CADPS2: variants seen among roughly 807,000 people sequenced by gnomAD.
CADPS2 encodes calcium dependent secretion activator 2.
Under a neutral mutation model 172.5 loss-of-function variants are expected in CADPS2, and 93 were observed. The ratio of observed to expected loss-of-function variants is 0.54; its 90% CI spans 0.46 to 0.64. The LOEUF is 0.64. CADPS2 is among the 30% of genes least tolerant of loss of function. The probability of loss-of-function intolerance (pLI) is 0.00; values close to 1 mark genes in which losing one functional copy is unlikely to be tolerated. For synonymous variants in CADPS2, 546 were observed against 555.2 expected (o/e 0.98, Z 0.23); for missense variants, 1,420 against 1,565.9 (o/e 0.91, Z 1.57).
chr7:122,511,058 C>T (rs2059968933), intron 9 of CADPS2, among the ~76,000 whole-genome samples: 3 of 152,202 alleles, frequency 2.0e-5, no homozygotes, highest in African/African-American at 2.4e-5. Context: ...TAAAAAGAAA[C>T]CTCAGGTAGA....
At chr7:122,726,608 C>T (rs187898969) in intron 2 of CADPS2, among the ~76,000 whole-genome samples, 194 of 151,846 alleles carry the variant, frequency 1.3e-3, no homozygotes, top group Admixed American at 3.2e-3. Context: ...GATTAGCAAA[C>T]GACATGCACG....
chr7:122,770,408 G>T (rs988322038), intron 1 of CADPS2, among the ~76,000 whole-genome samples: 3 of 151,944 alleles, frequency 2.0e-5, no homozygotes, highest in African/African-American at 7.3e-5. Flanking sequence ...TCACTTTAAA[G>T]AATACAGTGA....
chr7:122,849,636 T>A (rs994414274), intron 1 of CADPS2: 1 of 295,140 alleles, frequency 3.4e-6, no homozygotes, highest in Non-Finnish European at 6.5e-6. Context: ...ATTTATATGT[T>A]TACTACTGTA....
intron 25 of CADPS2, among the ~76,000 whole-genome samples, chr7:122,371,819 C>T (rs377480602): frequency 7.2e-5 from 11 of 152,086 alleles, no homozygotes; most frequent in Admixed American, 3.3e-4. Flanking sequence ...ACTAGGATGA[C>T]GAGATTTTAC....
chr7:122,534,032 G>A (rs575265857), intron 8 of CADPS2, among the ~76,000 whole-genome samples: 15 of 152,144 alleles, frequency 9.9e-5, no homozygotes, highest in African/African-American at 3.6e-4. Context: ...ATGCACCCAA[G>A]GCACATCACA....
chr7:122,494,777 C>T (rs2058599148), intron 9 of CADPS2, among the ~76,000 whole-genome samples: 1 of 152,018 alleles, frequency 6.6e-6, no homozygotes, highest in Non-Finnish European at 1.5e-5. Flanking sequence ...TCTTGCTACA[C>T]TAAATTTTCC....
At chr7:122,335,677 C>T (rs2035752214) in intron 28 of CADPS2, among the ~76,000 whole-genome samples, 1 of 152,134 alleles carries the variant, frequency 6.6e-6, no homozygotes, top group South Asian at 2.1e-4. Flanking sequence ...ATACTGCATC[C>T]TATCCTTGAC....
At chr7:122,429,039 G>A (rs778019761) in intron 17 of CADPS2, among the ~76,000 whole-genome samples, 20 of 151,912 alleles carry the variant, frequency 1.3e-4, no homozygotes, top group Non-Finnish European at 2.2e-4. Context: ...AAAACAACCA[G>A]TGTTTGTTAC....
At chr7:122,735,385 T>A (rs1025813391) in intron 2 of CADPS2, among the ~76,000 whole-genome samples, 3 of 152,106 alleles carry the variant, frequency 2.0e-5, no homozygotes, top group East Asian at 3.9e-4. Context: ...ATTTGTGCAC[T>A]TTTTTTATTC....
chr7:122,670,884 A>AT (rs1386736176), intron 2 of CADPS2, among the ~76,000 whole-genome samples: 3 of 151,660 alleles, frequency 2.0e-5, no homozygotes, highest in African/African-American at 7.3e-5. Context: ...AAAAAAAAAA[A>AT]AAGTCCCAAA....
intron 2 of CADPS2, among the ~76,000 whole-genome samples, chr7:122,722,517 A>C (rs1462980788): frequency 2.0e-5 from 3 of 151,826 alleles, no homozygotes; most frequent in Non-Finnish European, 2.9e-5. Context: ...GGAGAACTAC[A>C]AACCGCTGCT....
chr7:122,717,838 C>A (rs1378179178), intron 2 of CADPS2, among the ~76,000 whole-genome samples: 1 of 152,092 alleles, frequency 6.6e-6, no homozygotes, highest in African/African-American at 2.4e-5. Flanking sequence ...AAGACAAGGT[C>A]TTGCTCTGTC....
chr7:122,775,442 A>T (rs1425180241), intron 1 of CADPS2, among the ~76,000 whole-genome samples: 1 of 152,310 alleles, frequency 6.6e-6, no homozygotes, highest in South Asian at 2.1e-4. Flanking sequence ...TCTAAAGTGC[A>T]TCTGTGTCAC....
intron 7 of CADPS2, among the ~76,000 whole-genome samples, chr7:122,563,821 T>C (rs1010136709): frequency 1.3e-5 from 2 of 152,182 alleles, no homozygotes; most frequent in African/African-American, 4.8e-5. Context: ...AGCTAATTCA[T>C]GGACTACTGA....
intron 1 of CADPS2, among the ~76,000 whole-genome samples, chr7:122,773,273 G>A (rs975526660): frequency 1.3e-5 from 2 of 151,888 alleles, no homozygotes; most frequent in East Asian, 3.9e-4. Flanking sequence ...GAGCATTTCT[G>A]AAAAACCCCT....
At chr7:122,844,802 G>C (rs1811523399) in intron 1 of CADPS2, among the ~76,000 whole-genome samples, 1 of 152,004 alleles carries the variant, frequency 6.6e-6, no homozygotes, top group Admixed American at 6.6e-5. Context: ...AAGTTTCAGA[G>C]ACAAAGTGAG....
chr7:122,561,331 ACT>A (rs1491183315), intron 7 of CADPS2, among the ~76,000 whole-genome samples: 42 of 151,682 alleles, frequency 2.8e-4, no homozygotes, highest in South Asian at 1.5e-3. Flanking sequence ...CCTTCTATAC[ACT>A]TTTTTTTTTA....
intron 6 of CADPS2, among the ~76,000 whole-genome samples, chr7:122,586,014 C>A (rs2069625889): frequency 6.6e-6 from 1 of 151,752 alleles, no homozygotes; most frequent in South Asian, 2.1e-4. Flanking sequence ...ACAGTAAACA[C>A]TTAAGCAAGA....
At chr7:122,645,508 A>ATG (rs2078372795) in intron 3 of CADPS2, among the ~76,000 whole-genome samples, 1 of 122,612 alleles carries the variant, frequency 8.2e-6, no homozygotes, top group Non-Finnish European at 1.7e-5. Flanking sequence ...ATAAGTATAT[A>ATG]TATACTTATA....
Sources: allele counts gnomAD v4.1 joint callset (sites outside exome capture counted in the v4.1 genomes callset), GRCh38; gene constraint gnomAD v4.1.1; transcripts MANE v1.5; gene names NCBI Gene and HGNC (gene_info 2026-07-23, HGNC 2026-07-21).